Variants in UBASH3B observed in about 807,000 individuals in gnomAD.
UBASH3B encodes the protein ubiquitin associated and SH3 domain containing B.
A neutral mutation model predicts 83.4 loss-of-function variants in UBASH3B; 37 were observed. That is an observed-to-expected ratio of 0.44 (90% CI 0.34 to 0.58). UBASH3B has a LOEUF of 0.58. Ranked by LOEUF, UBASH3B falls within the 20% of genes least tolerant of loss-of-function variation. The pLI is 0.01. For synonymous variants in UBASH3B, 304 were observed against 318.3 expected (o/e 0.96, Z 0.48); for missense variants, 657 against 827.2 (o/e 0.79, Z 2.52).
intron 1 of UBASH3B, among the ~76,000 whole-genome samples, chr11:122,703,485 A>G (rs1156912650): frequency 6.6e-6 from 1 of 152,124 alleles, no homozygotes; most frequent in East Asian, 1.9e-4. Flanking sequence ...TTTCAAAATA[A>G]ATAGTGTCAA....
At chr11:122,695,491 A>G (rs1466465121) in intron 1 of UBASH3B, among the ~76,000 whole-genome samples, 1 of 152,152 alleles carries the variant, frequency 6.6e-6, no homozygotes, top group Non-Finnish European at 1.5e-5. Context: ...ATAACGCTTC[A>G]ACCCCTTCTG....
At chr11:122,739,366 C>T (rs1018854984) in intron 1 of UBASH3B, among the ~76,000 whole-genome samples, 2 of 152,150 alleles carry the variant, frequency 1.3e-5, no homozygotes, top group Non-Finnish European at 2.9e-5. Flanking sequence ...CACTTGTAAG[C>T]ATTTAACCTT....
At chr11:122,751,636 C>A (rs1861200935) in intron 1 of UBASH3B, among the ~76,000 whole-genome samples, 1 of 152,234 alleles carries the variant, frequency 6.6e-6, no homozygotes, top group African/African-American at 2.4e-5. Context: ...AACCTGTTCT[C>A]CCCTGGGAAG....
At position 122,700,544 on chromosome 11, in the gene UBASH3B, T is replaced by C. The variant is rs529380776; in HGVS notation, c.161+44334T>C. On this transcript the variant is annotated intron_variant, in intron 1 of 13. Transcript: ENST00000284273. ...TGGAGTCTCGCTCTGTCACCTAGTC[T>C]GAAGTGCAGTGGCATGATATCGGCT... Among the ~76,000 whole-genome samples, 16 of 146,498 alleles carry C rather than the reference T, an allele frequency of 1.1e-4. No homozygotes were observed. The East Asian group carries it at 2.7e-3, about 25-fold the overall frequency.
At chr11:122,681,943 G>A (rs999402283) in intron 1 of UBASH3B, among the ~76,000 whole-genome samples, 1 of 152,144 alleles carries the variant, frequency 6.6e-6, no homozygotes, top group Non-Finnish European at 1.5e-5. Context: ...CTTGTGTGCT[G>A]AGTGTGGCAG....
chr11:122,766,703 A>T (rs1860544856), intron 1 of UBASH3B, among the ~76,000 whole-genome samples: 1 of 152,256 alleles, frequency 6.6e-6, no homozygotes, highest in East Asian at 1.9e-4. Context: ...AGATCGTGCC[A>T]CTGAACTCCA....
chr11:122,703,860 GC>G (rs1008335122), intron 1 of UBASH3B, among the ~76,000 whole-genome samples: 1 of 152,224 alleles, frequency 6.6e-6, no homozygotes. Flanking sequence ...ACAGGTGATG[GC>G]ATAAGCCGGG....
intron 1 of UBASH3B, among the ~76,000 whole-genome samples, chr11:122,665,534 C>T (rs1430427234): frequency 6.6e-6 from 1 of 152,158 alleles, no homozygotes; most frequent in Non-Finnish European, 1.5e-5. Flanking sequence ...GCTCTCACTG[C>T]TTCATGGGTG....
intron 1 of UBASH3B, among the ~76,000 whole-genome samples, chr11:122,701,583 T>G (rs1359831634): frequency 6.6e-6 from 1 of 152,110 alleles, no homozygotes; most frequent in Non-Finnish European, 1.5e-5. Context: ...AGAGGTCTGT[T>G]GAAGGTCACA....
chr11:122,794,127 C>A (rs977860618), intron 6 of UBASH3B, among the ~76,000 whole-genome samples: 1 of 152,192 alleles, frequency 6.6e-6, no homozygotes, highest in Non-Finnish European at 1.5e-5. Context: ...CACTAGGATC[C>A]ATCCCTGCCC....
chr11:122,753,440 G>C (rs1221281880), intron 1 of UBASH3B, among the ~76,000 whole-genome samples: 1 of 150,808 alleles, frequency 6.6e-6, no homozygotes, highest in East Asian at 2.0e-4. Flanking sequence ...AATGGAGTGA[G>C]ACTCCACCTC....
chr11:122,730,399 G>A (rs997024245), intron 1 of UBASH3B, among the ~76,000 whole-genome samples: 1 of 152,130 alleles, frequency 6.6e-6, no homozygotes, highest in African/African-American at 2.4e-5. Flanking sequence ...AGTGGCCAAC[G>A]TGAACTCCAT....
intron 9 of UBASH3B, among the ~76,000 whole-genome samples, chr11:122,797,892 G>A (rs1195074259): frequency 6.6e-6 from 1 of 152,158 alleles, no homozygotes; most frequent in African/African-American, 2.4e-5. Flanking sequence ...AAATTGTGAG[G>A]CAAGGCAGAG....
intron 6 of UBASH3B, 53 bp downstream of exon 6, chr11:122,789,361 C>A (rs1307130499): frequency 6.3e-7 from 1 of 1,574,850 alleles, no homozygotes; most frequent in East Asian, 2.2e-5. Context: ...CTAAGGCAGA[C>A]TGGATCCTGG....
chr11:122,718,730 C>G (rs562041099), intron 1 of UBASH3B, among the ~76,000 whole-genome samples: 7 of 152,152 alleles, frequency 4.6e-5, no homozygotes, highest in African/African-American at 9.7e-5. Context: ...TAACTCATAG[C>G]GCATGTGTGT....
chr11:122,664,154 T>G (rs755812078), intron 1 of UBASH3B, among the ~76,000 whole-genome samples: 2 of 152,208 alleles, frequency 1.3e-5, no homozygotes, highest in Non-Finnish European at 2.9e-5. Flanking sequence ...TTCTGCTCTC[T>G]GTGCTTCTCT....
intron 1 of UBASH3B, among the ~76,000 whole-genome samples, chr11:122,659,430 T>C (rs1191808831): frequency 6.6e-6 from 1 of 152,170 alleles, no homozygotes; most frequent in Admixed American, 6.6e-5. Flanking sequence ...CCTGATCTAG[T>C]TGGACTCCTT....
intron 1 of UBASH3B, among the ~76,000 whole-genome samples, chr11:122,743,772 G>A (rs1226010904): frequency 6.6e-6 from 1 of 152,192 alleles, no homozygotes; most frequent in Non-Finnish European, 1.5e-5. Context: ...TGGAGTAAGC[G>A]GCAGAGGGCC....
chr11:122,806,524 GTAT>G lies in UBASH3B; in HGVS notation c.1702+13_1702+15del, dbSNP rs565120267. The G allele has an allele frequency of 1.3e-6, 2 of 1,595,552 alleles. No homozygotes were observed. The highest frequency in any genetic ancestry group is 1.7e-6 in the Non-Finnish European group (2 of 1,173,594). ...GTGAATGTAAAAGTAAAGGTAAGTG[GTAT>G]TATTCTGAACTCCATCTGTACATAC... On this transcript the variant is annotated intron_variant, in intron 12 of 13. Transcript: ENST00000284273. This position sits in a 1 kb window ranked among gnomAD's most constrained non-coding sequence, Gnocchi z 4.0.
Sources: gnomAD v4.1 joint callset for allele counts (sites outside exome capture counted in the v4.1 genomes callset) on GRCh38, gnomAD v4.1.1 for gene constraint, Gnocchi (gnomAD v3.1) non-coding constraint, MANE v1.5 for transcripts, NCBI Gene and HGNC (gene_info 2026-07-23, HGNC 2026-07-21) for gene names.